Variants in H1-7 observed in about 807,000 individuals in gnomAD.
H1-7 encodes H1.7 linker histone.
Under a neutral mutation model 0.3 loss-of-function variants are expected in H1-7, and 1 was observed. The ratio of observed to expected loss-of-function variants is 3.06; its 90% CI spans 1.09 to 14.53. The LOEUF (loss-of-function observed/expected upper bound fraction) is 14.53, where lower values mean the gene tolerates loss of function less well. Ranked by LOEUF, H1-7 falls within the 30% of genes most tolerant of loss-of-function variation. The probability of loss-of-function intolerance (pLI) is 0.12; values close to 1 mark genes in which losing one functional copy is unlikely to be tolerated. For missense variants in H1-7, 393 were observed against 353.1 expected (o/e 1.11, Z -0.91); for synonymous variants, 177 against 153.2 (o/e 1.16, Z -1.15).
Position 48,329,460 on chromosome 12 carries a change from G to C in H1-7, c.169G>C (p.Val57Leu). ...ACCATCGAGGGGCTGCTCAAGCTCCGTGCTCAGAGTGTCCCAGTTGGTGCT... is the reference window on the plus strand; with the variant it reads ...ACCATCGAGGGGCTGCTCAAGCTCCCTGCTCAGAGTGTCCCAGTTGGTGCT... ...GGPSRGCSSS[V>L]LRVSQLVLQA... The change falls in exon 1 of 1, where the codon GTG becomes CTG. Residue 57 changes from valine (V) to leucine (L), a missense_variant. Transcript: ENST00000335017. The C allele has an allele frequency of 1.2e-6, 2 of 1,614,174 alleles. No individual in the cohort carries two copies. Among genetic ancestry groups the C allele is most frequent in the Non-Finnish European group, 1.7e-6 (2 of 1,180,002 alleles).
At position 48,329,442 on chromosome 12, in the gene H1-7, AGGG is replaced by A. The variant is rs1253623280; in HGVS notation, c.153_155del (p.Arg51_Gly52delinsSer). On this transcript the variant is annotated inframe_deletion, in exon 1 of 1. Transcript: ENST00000335017. ...GGAAAAAACTGTCGGGGGACCATCG[AGGG>A]GCTGCTCAAGCTCCGTGCTCAGAGT... The A allele has an allele frequency of 1.9e-5, 31 of 1,614,072 alleles. No individual in the cohort carries two copies. The highest frequency in any genetic ancestry group is 2.5e-5 in the Non-Finnish European group (29 of 1,180,034).
rs761361703 is a variant in H1-7 at position 48,329,517 on chromosome 12, C to G, written c.226C>G (p.Leu76Val). Reference protein sequence around the residue: ...QAISTHKGLTLAALKKELRNA... With the variant: ...QAISTHKGLTVAALKKELRNA... ...CATCTCCACTCACAAAGGGCTGACT[C>G]TGGCAGCTCTCAAGAAGGAGCTCCG... Residue 76 changes from leucine (L) to valine (V), a missense_variant, in exon 1 of 1, where the codon CTG (leucine) becomes GTG (valine). Leu to Val is a conservative substitution (Grantham distance 32). Transcript: ENST00000335017. The G allele has an allele frequency of 7.9e-5, 127 of 1,613,802 alleles. No homozygotes were observed. Among genetic ancestry groups the G allele is most frequent in the Non-Finnish European group, 1.1e-4 (124 of 1,179,964 alleles).
At position 48,329,493 on chromosome 12, in the gene H1-7, A is replaced by G. The variant is rs1168158367; in HGVS notation, c.202A>G (p.Ile68Val). ...AGTGTCCCAGTTGGTGCTCCAGGCC[A>G]TCTCCACTCACAAAGGGCTGACTCT... is the stretch of plus-strand genomic sequence containing the variant. ...LRVSQLVLQA[I>V]STHKGLTLAA... The change falls in exon 1 of 1, where the codon ATC becomes GTC. Residue 68 changes from isoleucine (I) to valine (V), a missense_variant. Ile to Val is a conservative substitution (Grantham distance 29). Transcript: ENST00000335017. 4 of 1,613,962 alleles carry G rather than the reference A, an allele frequency of 2.5e-6. No homozygotes were observed. The highest frequency in any genetic ancestry group is 3.4e-6 in the Non-Finnish European group (4 of 1,180,000).
Position 48,330,214 on chromosome 12 carries a change from T to C in H1-7, c.*155T>C. 1.2e-6 allele frequency: 1 copy of C among 818,098 alleles called. No individual in the cohort carries two copies. Among genetic ancestry groups the C allele is most frequent in the South Asian group, 1.9e-5 (1 of 53,196 alleles). The allele number at this position is 818,098 out of a possible 1,614,324, so 50.7% of individuals were successfully genotyped here. A position where few individuals can be genotyped will look rare whatever the true frequency, so the allele number is the denominator to read the frequency against. ...TTCACTCCCACCACGGACCAATGCC[T>C]TTCCCCCATAGGCCCCAAGAAGAGC... On this transcript the variant is annotated 3_prime_UTR_variant, in exon 1 of 1. Coordinates refer to ENST00000335017, the MANE Select transcript of H1-7 (RefSeq NM_181788.1).
Position 48,329,937 on chromosome 12 carries a change from G to A in H1-7, c.646G>A (p.Gly216Arg). The change falls in exon 1 of 1, where the codon GGG becomes AGG. Residue 216 changes from glycine to arginine, a missense_variant. By Grantham distance (125) the Gly-to-Arg change is moderately radical. Transcript: ENST00000335017. ...AGCGGGAGCGACAGCGGCAGACGAGGGGCGAGGACAGGCCGTGAAGGAAGA... is the reference window on the plus strand; with the variant it reads ...AGCGGGAGCGACAGCGGCAGACGAGAGGCGAGGACAGGCCGTGAAGGAAGA... ...EEAGATAADE[G>R]RGQAVKEDTT... 1 of 1,606,982 alleles carries A rather than the reference G, an allele frequency of 6.2e-7. No individual in the cohort carries two copies. The highest frequency in any genetic ancestry group is 8.5e-7 in the Non-Finnish European group (1 of 1,176,954).
In H1-7 at chr12:48,330,226, G is replaced by A. The variant is rs1952550521; in HGVS notation, c.*167G>A. 2 of 726,344 alleles carry A rather than the reference G, an allele frequency of 2.8e-6. No individual in the cohort carries two copies. Among genetic ancestry groups the A allele is most frequent in the South Asian group, 2.0e-5 (1 of 51,144 alleles). 45.0% of individuals were successfully genotyped at this position (726,344 alleles called of 1,614,324 possible). On this transcript the variant is annotated 3_prime_UTR_variant, in exon 1 of 1. Transcript: ENST00000335017. ...ACGGACCAATGCCTTTCCCCCATAG[G>A]CCCCAAGAAGAGCGGCTGTCACACT...
chr12:48,329,343 G>A lies in H1-7; in HGVS notation c.52G>A (p.Gly18Arg), dbSNP rs916296018. The A allele has an allele frequency of 2.5e-6, 4 of 1,605,646 alleles. No homozygotes were observed. The highest frequency in any genetic ancestry group is 3.4e-6 in the Non-Finnish European group (4 of 1,175,606). The change falls in exon 1 of 1, where the codon GGG becomes AGG. Residue 18 changes from glycine (G) to arginine (R), a missense_variant. Physicochemically the swap from Gly to Arg is moderately radical, Grantham distance 125. Transcript: ENST00000335017. ...CCAAAGCCGGTGGCCCCGCAGAGGC[G>A]GGAGTGGGGCCATGGCTGAGGCGCC... ...EAQSRWPRRG[G>R]SGAMAEAPGP...
chr12:48,329,873 G>A lies in H1-7; in HGVS notation c.582G>A (p.Pro194=), dbSNP rs766487616. The A allele has an allele frequency of 1.8e-5, 29 of 1,588,672 alleles. No homozygotes were observed. Among genetic ancestry groups the A allele is most frequent in the Middle Eastern group, 1.7e-4 (1 of 5,906 alleles). ...CGAGGAGGACCAGGAGGGCAAGGCC[G>A]AGAGCCAAGGAGCCGCCGTGTGCCA... is the stretch of plus-strand genomic sequence containing the variant. ...ARARRTRRAR[P]RAKEPPCARA... The change falls in exon 1 of 1, where the codon CCG becomes CCA. Residue 194 remains proline (P), a synonymous_variant. Coordinates refer to ENST00000335017, the MANE Select transcript of H1-7 (RefSeq NM_181788.1).
Position 48,330,027 on chromosome 12 carries a change from C to T in H1-7, c.736C>T (p.Pro246Ser), listed in dbSNP as rs146923080. The T allele has an allele frequency of 1.6e-5, 26 of 1,613,408 alleles. No individual in the cohort carries two copies. In the African/African-American group the frequency reaches 2.3e-4, roughly 14 times the overall value. ...CAAGCCCAGGGAAGAGAAGCAGGAGCCCAAGAAGCCCGCACAGCGGACCAT... is the reference window on the plus strand; with the variant it reads ...CAAGCCCAGGGAAGAGAAGCAGGAGTCCAAGAAGCCCGCACAGCGGACCAT... ...SSKPREEKQE[P>S]KKPAQRTIQ The change falls in exon 1 of 1, where the codon CCC becomes TCC. Residue 246 changes from proline to serine, a missense_variant. Pro to Ser is a moderately conservative substitution (Grantham distance 74). Transcript: ENST00000335017.
Position 48,329,234 on chromosome 12 carries a change from A to G in H1-7, c.-58A>G. ...GGTGAGATATGCCAGCCCCATAATT[A>G]GGACCTGAAAATCTCTGCCAGGCCT... On this transcript the variant is annotated 5_prime_UTR_variant, in exon 1 of 1. Coordinates refer to ENST00000335017, the MANE Select transcript of H1-7 (RefSeq NM_181788.1). 6.8e-7 allele frequency: 1 copy of G among 1,462,710 alleles called. No homozygotes were observed. The highest frequency in any genetic ancestry group is 9.0e-7 in the Non-Finnish European group (1 of 1,106,202). 90.6% of individuals were successfully genotyped at this position (1,462,710 alleles called of 1,614,324 possible).
Position 48,329,391 on chromosome 12 carries a change from G to A in H1-7, c.100G>A (p.Gly34Arg). 6.2e-7 allele frequency: 1 copy of A among 1,613,870 alleles called. No homozygotes were observed. Among genetic ancestry groups the A allele is most frequent in the South Asian group, 1.1e-5 (1 of 91,066 alleles). ...GCCTGGGCCCAGTGGCGAATCCCGA[G>A]GACACTCAGCCACTCAGCTGCCAGC... ...EAPGPSGESRGHSATQLPAEK... is the reference protein window; with the variant it reads ...EAPGPSGESRRHSATQLPAEK... The change falls in exon 1 of 1, where the codon GGA becomes AGA. Residue 34 changes from glycine to arginine, a missense_variant. Coordinates refer to ENST00000335017, the MANE Select transcript of H1-7 (RefSeq NM_181788.1).
rs1233533845 is a variant in H1-7, at chr12:48,330,063, A to G, written c.*4A>G. 1 of 1,607,460 alleles carries G rather than the reference A, an allele frequency of 6.2e-7. No homozygotes were observed. Among genetic ancestry groups the G allele is most frequent in the South Asian group, 1.1e-5 (1 of 90,328 alleles). Reference sequence around the variant, plus strand: ...CGCACAGCGGACCATCCAGTAGCCAACGCGGGCTAAAACCGACCGGACATC... The same window carrying G: ...CGCACAGCGGACCATCCAGTAGCCAGCGCGGGCTAAAACCGACCGGACATC... On this transcript the variant is annotated 3_prime_UTR_variant, in exon 1 of 1. Coordinates refer to ENST00000335017, the MANE Select transcript of H1-7 (RefSeq NM_181788.1).
rs1952535864 is a variant in H1-7, at chr12:48,329,003, T to C, written c.-289T>C. The C allele has an allele frequency of 2.7e-6, 1 of 370,298 alleles. No homozygotes were observed. Among genetic ancestry groups the C allele is most frequent in the African/African-American group, 2.1e-5 (1 of 47,146 alleles). The allele number at this position is 370,298 out of a possible 1,614,324, so 22.9% of individuals were successfully genotyped here. A position where few individuals can be genotyped will look rare whatever the true frequency, so the allele number is the denominator to read the frequency against. The stretch of plus-strand genomic sequence containing the variant: ...CTTAAGGAACTGTGGGTAGATGGTT[T>C]GCAGGACCACATACACACACAAAAT... On this transcript the variant is annotated 5_prime_UTR_variant, in exon 1 of 1. Transcript: ENST00000335017.
rs1952546553 is a variant in H1-7, at chr12:48,329,820, A to G, written c.529A>G (p.Arg177Gly). Residue 177 changes from arginine to glycine, a missense_variant, in exon 1 of 1, where the codon AGG becomes GGG. Coordinates refer to ENST00000335017, the MANE Select transcript of H1-7 (RefSeq NM_181788.1). ...CAGAGAAGTGTGGAGACGGAACGCG[A>G]GGGCGAAAGCCAAGGCCAATGCCAG... ...KAREVWRRNA[R>G]AKAKANARAR... The G allele has an allele frequency of 6.3e-7, 1 of 1,595,172 alleles. No homozygotes were observed. The highest frequency in any genetic ancestry group is 2.3e-5 in the East Asian group (1 of 44,164).
In H1-7 at chr12:48,330,225, G is replaced by A. The variant is rs1952550497; in HGVS notation, c.*166G>A. On this transcript the variant is annotated 3_prime_UTR_variant, in exon 1 of 1. Coordinates refer to ENST00000335017, the MANE Select transcript of H1-7 (RefSeq NM_181788.1). Reference sequence around the variant, plus strand: ...CACGGACCAATGCCTTTCCCCCATAGGCCCCAAGAAGAGCGGCTGTCACAC... The same window carrying A: ...CACGGACCAATGCCTTTCCCCCATAAGCCCCAAGAAGAGCGGCTGTCACAC... 3 of 740,152 alleles carry A rather than the reference G, an allele frequency of 4.1e-6. No individual in the cohort carries two copies. Among genetic ancestry groups the A allele is most frequent in the Non-Finnish European group, 6.6e-6 (3 of 455,626 alleles). The allele number at this position is 740,152 out of a possible 1,614,324, so 45.8% of individuals were successfully genotyped here.
In H1-7 at chr12:48,329,647, A is replaced by G; in HGVS notation, c.356A>G (p.Tyr119Cys). ...GTCAGCGGCAGCGACGCCGCCGGCTACTTCAGGGTCTGGAAGGTTCCCAAG... is the reference window on the plus strand; with the variant it reads ...GTCAGCGGCAGCGACGCCGCCGGCTGCTTCAGGGTCTGGAAGGTTCCCAAG... ...LRVSGSDAAGYFRVWKVPKPR... is the reference protein window; with the variant it reads ...LRVSGSDAAGCFRVWKVPKPR... The change falls in exon 1 of 1, where the codon TAC (tyrosine) becomes TGC (cysteine). Residue 119 changes from tyrosine to cysteine, a missense_variant. Tyr to Cys is a radical substitution (Grantham distance 194). Coordinates refer to ENST00000335017, the MANE Select transcript of H1-7 (RefSeq NM_181788.1). 1 of 1,611,826 alleles carries G rather than the reference A, an allele frequency of 6.2e-7. No homozygotes were observed. Among genetic ancestry groups the G allele is most frequent in the African/African-American group, 1.3e-5 (1 of 75,038 alleles).
rs1307104095 is a variant in H1-7, at chr12:48,329,378, T to A, written c.87T>A (p.Ser29Arg). ...SGAMAEAPGP[S>R]GESRGHSATQ... ...CCATGGCTGAGGCGCCTGGGCCCAGTGGCGAATCCCGAGGACACTCAGCCA... is the reference window on the plus strand; with the variant it reads ...CCATGGCTGAGGCGCCTGGGCCCAGAGGCGAATCCCGAGGACACTCAGCCA... Residue 29 changes from serine to arginine, a missense_variant, in exon 1 of 1, where the codon AGT (serine) becomes AGA (arginine). Ser to Arg is a moderately radical substitution (Grantham distance 110, BLOSUM62 -1). Transcript: ENST00000335017. 6.2e-7 allele frequency: 1 copy of A among 1,613,108 alleles called. No homozygotes were observed.
chr12:48,329,782 C>T lies in H1-7; in HGVS notation c.491C>T (p.Ala164Val), dbSNP rs755232274. Reference protein sequence around the residue: ...SRRRRQPLRKAARKAREVWRR... With the variant: ...SRRRRQPLRKVARKAREVWRR... ...AGGCGCCGCCAGCCCCTTCGCAAGG[C>T]GGCCAGGAAGGCCAGAGAAGTGTGG... Residue 164 changes from alanine (A) to valine (V), a missense_variant, in exon 1 of 1, where the codon GCG (alanine) becomes GTG (valine). Coordinates refer to ENST00000335017, the MANE Select transcript of H1-7 (RefSeq NM_181788.1). 1.9e-6 allele frequency: 3 copies of T among 1,599,114 alleles called. No individual in the cohort carries two copies. The highest frequency in any genetic ancestry group is 1.3e-5 in the African/African-American group (1 of 74,936).
rs766280749 is a variant in H1-7, at chr12:48,329,614, T to G, written c.323T>G (p.Leu108Arg). 1.2e-6 allele frequency: 2 copies of G among 1,612,256 alleles called. No homozygotes were observed. The highest frequency in any genetic ancestry group is 1.7e-6 in the Non-Finnish European group (2 of 1,179,488). ...EAPRGQAKAT[L>R]LRVSGSDAAG... ...CCCAGGGGGCAGGCCAAGGCCACGC[T>G]CCTCCGGGTCAGCGGCAGCGACGCC... is the stretch of plus-strand genomic sequence containing the variant. Residue 108 changes from leucine to arginine, a missense_variant, in exon 1 of 1, where the codon CTC becomes CGC. Physicochemically the swap from Leu to Arg is moderately radical, Grantham distance 102 (BLOSUM62 -2). Coordinates refer to ENST00000335017, the MANE Select transcript of H1-7 (RefSeq NM_181788.1).
Sources: gnomAD v4.1 joint callset for allele counts on GRCh38, gnomAD v4.1.1 for gene constraint, MANE v1.5 for transcripts, NCBI Gene and HGNC (gene_info 2026-07-23, HGNC 2026-07-21) for gene names.